The following ACVR1 variants were observed in gnomAD, a reference collection of about 807,000 sequenced individuals.
ACVR1 encodes activin receptor type-1.
In ACVR1, 38 loss-of-function variants were observed where a neutral mutation model predicts 57.1. The ratio of observed to expected loss-of-function variants is 0.67; its 90% CI spans 0.51 to 0.87. The LOEUF (loss-of-function observed/expected upper bound fraction) is 0.87. ACVR1 is among the 40% of genes least tolerant of loss of function. The pLI, the probability that ACVR1 is intolerant of heterozygous loss-of-function variation, is 0.00. For synonymous variants in ACVR1, 212 were observed against 228.1 expected, an observed-to-expected ratio of 0.93 and a Z score of 0.63; for missense variants, 463 against 638.2, an observed-to-expected ratio of 0.73 and a Z score of 2.96.
At chr2:157,839,585 C>T (rs1330819461) in intron 1 of ACVR1, among the ~76,000 whole-genome samples, 1 of 152,204 alleles carries the variant, frequency 6.6e-6, no homozygotes, top group African/African-American at 2.4e-5. Context: ...TCCAGCGACA[C>T]TCTTTGATGT....
At position 157,828,836 on chromosome 2, in the gene ACVR1, G is replaced by A. The variant is rs113837457; in HGVS notation, c.-182-10277C>T. On this transcript the variant is annotated intron_variant, in intron 1 of 10. Transcript: ENST00000434821. Reference sequence around the variant, plus strand: ...GGCTAGAGTGCAGTGGCACAATCTTGGCTCACTCCAACCTCTGCCTCCCGG... The same window carrying A: ...GGCTAGAGTGCAGTGGCACAATCTTAGCTCACTCCAACCTCTGCCTCCCGG... 4.3e-3 allele frequency among the ~76,000 whole-genome samples: 653 copies of A among 152,046 alleles called. 5 individuals are homozygous for A. The highest frequency in any genetic ancestry group is 0.014 in the East Asian group (74 of 5,156).
chr2:157,782,118 G>T (rs1162972208), intron 3 of ACVR1, among the ~76,000 whole-genome samples: 1 of 152,192 alleles, frequency 6.6e-6, no homozygotes, highest in Non-Finnish European at 1.5e-5. Context: ...GTGGGTGTGT[G>T]TAGAGATGTG....
chr2:157,819,077 C>CAAAA (rs386391595), intron 1 of ACVR1, among the ~76,000 whole-genome samples: 3 of 59,200 alleles, frequency 5.1e-5, no homozygotes, highest in African/African-American at 2.4e-4. Context: ...GACTCCGTCT[C>CAAAA]AAAAAAAAAA....
At chr2:157,823,883 T>C (rs1045260962) in intron 1 of ACVR1, among the ~76,000 whole-genome samples, 4 of 152,028 alleles carry the variant, frequency 2.6e-5, no homozygotes, top group African/African-American at 7.2e-5. Flanking sequence ...AGGCAGTGAG[T>C]GGGCTACAGT....
intron 3 of ACVR1, among the ~76,000 whole-genome samples, chr2:157,786,005 C>T (rs114679253): frequency 0.019 from 2,817 of 152,234 alleles, 100 homozygotes; most frequent in African/African-American, 0.065. Context: ...TCTTAAAAGA[C>T]CTCTTCTTCC....
intron 6 of ACVR1, among the ~76,000 whole-genome samples, chr2:157,773,665 AT>A (rs1165878441): frequency 6.6e-6 from 1 of 152,226 alleles, no homozygotes; most frequent in East Asian, 1.9e-4. Context: ...AATTGGTTTC[AT>A]TAATTATGTT....
intron 1 of ACVR1, among the ~76,000 whole-genome samples, chr2:157,839,404 C>T (rs1360504199): frequency 6.6e-6 from 1 of 152,202 alleles, no homozygotes; most frequent in Non-Finnish European, 1.5e-5. Flanking sequence ...GCTTATGGTG[C>T]TGGCTGCAGG....
intron 2 of ACVR1, among the ~76,000 whole-genome samples, chr2:157,818,009 A>AC (rs1325322094): frequency 6.6e-6 from 1 of 151,814 alleles, no homozygotes; most frequent in Admixed American, 6.6e-5. Flanking sequence ...CTCAAAAAAA[A>AC]AAAAAACAAA....
intron 1 of ACVR1, among the ~76,000 whole-genome samples, chr2:157,856,771 G>A (rs747620994): frequency 6.6e-6 from 1 of 152,156 alleles, no homozygotes; most frequent in East Asian, 1.9e-4. Context: ...CAAAAATTGT[G>A]TATGTTTTAA....
At chr2:157,761,411 A>G (rs1685652358) in intron 8 of ACVR1, among the ~76,000 whole-genome samples, 1 of 152,150 alleles carries the variant, frequency 6.6e-6, no homozygotes, top group South Asian at 2.1e-4. Context: ...GTTAAATGTG[A>G]GCCTCTAAGT....
intron 1 of ACVR1, among the ~76,000 whole-genome samples, chr2:157,862,416 T>TAC (rs1257815431): frequency 1.2e-5 from 1 of 82,380 alleles, no homozygotes; most frequent in African/African-American, 4.2e-5. Flanking sequence ...GATAAACATA[T>TAC]ACACATACAC....
At chr2:157,867,462 G>C (rs1381554011) in intron 1 of ACVR1, among the ~76,000 whole-genome samples, 1 of 152,040 alleles carries the variant, frequency 6.6e-6, no homozygotes, top group Non-Finnish European at 1.5e-5. Flanking sequence ...AACTAACACC[G>C]AGCCTCAGTG....
chr2:157,836,046 T>C (rs1234465180), intron 1 of ACVR1, among the ~76,000 whole-genome samples: 1 of 152,180 alleles, frequency 6.6e-6, no homozygotes, highest in Non-Finnish European at 1.5e-5. Flanking sequence ...CTTTTAAACA[T>C]ATAAAATTAA....
intron 1 of ACVR1, among the ~76,000 whole-genome samples, chr2:157,870,047 C>T (rs1301564932): frequency 6.6e-6 from 1 of 152,228 alleles, no homozygotes; most frequent in Non-Finnish European, 1.5e-5. Flanking sequence ...AGCCAACACT[C>T]ATCAATAGCT....
At chr2:157,776,210 A>G (rs899047576) in intron 5 of ACVR1, among the ~76,000 whole-genome samples, 2 of 152,246 alleles carry the variant, frequency 1.3e-5, no homozygotes, top group African/African-American at 4.8e-5. Context: ...TTAAAGGACT[A>G]TTTTGGCATA....
At chr2:157,860,942 T>C (rs1015446492) in intron 1 of ACVR1, among the ~76,000 whole-genome samples, 8 of 152,210 alleles carry the variant, frequency 5.3e-5, no homozygotes, top group South Asian at 2.1e-4. Flanking sequence ...TCTGTGTTTC[T>C]ATTGATGCCA....
chr2:157,824,578 G>A (rs1195264754), intron 1 of ACVR1, among the ~76,000 whole-genome samples: 1 of 152,160 alleles, frequency 6.6e-6, no homozygotes, highest in Non-Finnish European at 1.5e-5. Context: ...TTCTTCCACT[G>A]GTGGTGACTT....
chr2:157,845,815 A>G (rs916470987), intron 1 of ACVR1, among the ~76,000 whole-genome samples: 2 of 152,236 alleles, frequency 1.3e-5, no homozygotes, highest in Non-Finnish European at 2.9e-5. Context: ...TCTGAATGTC[A>G]GTCTAGGCCC....
In ACVR1 at chr2:157,778,175, T is replaced by C. The variant is rs1686364450; in HGVS notation, c.499A>G (p.Ile167Val). 1 of 1,613,934 alleles carries C rather than the reference T, an allele frequency of 6.2e-7. No homozygotes were observed. The highest frequency in any genetic ancestry group is 1.1e-5 in the South Asian group (1 of 91,046). Residue 167 changes from isoleucine to valine, a missense_variant, in exon 5 of 11, where the codon ATC becomes GTC. Coordinates refer to ENST00000434821, the MANE Select transcript of ACVR1 (RefSeq NM_001111067.4). ...LNPRDVEYGT[I>V]EGLITTNVGD... is the part of the protein sequence containing the mutation. ...ACATTGGTGGTGATGAGCCCTTCGATAGTGCCATACTCCACGTCTCGGGGA... is the reference window on the plus strand; with the variant it reads ...ACATTGGTGGTGATGAGCCCTTCGACAGTGCCATACTCCACGTCTCGGGGA...
Sources: gnomAD v4.1 joint callset for allele counts (sites outside exome capture counted in the v4.1 genomes callset) on GRCh38, gnomAD v4.1.1 for gene constraint, MANE v1.5 for transcripts, NCBI Gene and HGNC (gene_info 2026-07-23, HGNC 2026-07-21) for gene names.